MSRA: variants seen among roughly 807,000 people sequenced by gnomAD.
MSRA encodes the protein methionine sulfoxide reductase A.
A neutral mutation model predicts 31.3 loss-of-function variants in MSRA; 54 were observed. That is an observed-to-expected ratio of 1.73 (90% CI 1.39 to 2.17). The LOEUF is 2.17. Among genes scored for constraint, MSRA ranks in the 30% most tolerant of loss-of-function variants. MSRA has a pLI of 0.00. For synonymous variants in MSRA, 169 were observed against 116.5 expected (o/e 1.45, Z -2.90); for missense variants, 507 against 300.9 (o/e 1.69, Z -5.07).
chr8:10,330,006 ATGTGTG>A (rs72198519), intron 5 of MSRA, among the ~76,000 whole-genome samples: 1,369 of 135,350 alleles, frequency 0.01, 12 homozygotes, highest in South Asian at 0.024. Context: ...AGAGAAAAAA[ATGTGTG>A]TGTGTGTGTG....
intron 3 of MSRA, among the ~76,000 whole-genome samples, chr8:10,274,268 G>T (rs1267139765): frequency 1.3e-5 from 2 of 152,164 alleles, no homozygotes; most frequent in Non-Finnish European, 2.9e-5. Context: ...GTGGGCCAGG[G>T]GAGCAGGTCC....
intron 5 of MSRA, among the ~76,000 whole-genome samples, chr8:10,384,492 C>G (rs888285763): frequency 2.0e-5 from 3 of 152,174 alleles, no homozygotes; most frequent in African/African-American, 7.2e-5. Flanking sequence ...AGGACGATGT[C>G]CAGGTCACAG....
intron 3 of MSRA, among the ~76,000 whole-genome samples, chr8:10,280,081 T>C (rs1028326257): frequency 1.3e-5 from 2 of 152,220 alleles, no homozygotes; most frequent in African/African-American, 4.8e-5. Context: ...TATATTTTTC[T>C]AAGAAATTTT....
At chr8:10,353,355 A>G (rs1804306306) in intron 5 of MSRA, among the ~76,000 whole-genome samples, 1 of 152,172 alleles carries the variant, frequency 6.6e-6, no homozygotes, top group South Asian at 2.1e-4. Flanking sequence ...AGAAATTGCT[A>G]CGCTGATCTG....
rs943957266 is a variant in MSRA at position 10,102,879 on chromosome 8, T to A, written c.142+48221T>A. Among the ~76,000 whole-genome samples the A allele has an allele frequency of 2.0e-5, 3 of 152,184 alleles. No homozygotes were observed. The South Asian group carries it at 6.2e-4, about 32-fold the overall frequency. ...ATACTGTTATTTTTATTGTTAGTTT[T>A]GTACTGGGTGCAGTAACCTGGACAG... On this transcript the variant is annotated intron_variant, in intron 1 of 5. Transcript: ENST00000317173.
In MSRA at chr8:10,327,236, C is replaced by G. The variant is rs529992967; in HGVS notation, c.543+7247C>G. Among the ~76,000 whole-genome samples the G allele has an allele frequency of 4.6e-5, 7 of 152,292 alleles. No individual in the cohort carries two copies. The East Asian group carries it at 7.7e-4, about 17-fold the overall frequency. ...TTTTAAAGGCTGTATCTATCCGTCT[C>G]TCAGTGTTTGTCCACCCTTCCATCC... On this transcript the variant is annotated intron_variant, in intron 5 of 5. Transcript: ENST00000317173.
chr8:10,095,420 C>A (rs1001903036), intron 1 of MSRA: 8 of 964,584 alleles, frequency 8.3e-6, no homozygotes, highest in Non-Finnish European at 9.9e-6. Context: ...GGGTACCGTA[C>A]CACGGTTTCC....
rs1467440154 is a variant in MSRA at position 10,113,289 on chromosome 8, C to CTTTTTT, written c.142+58633_142+58634insTTTTTT. On this transcript the variant is annotated intron_variant, in intron 1 of 5. Transcript: ENST00000317173. ...AGGCATGGCTTTGGTGAAGACAGGTCTTCTTTTTTTTTTTTTTTTTTTTTT... is the reference window on the plus strand; with the variant it reads ...AGGCATGGCTTTGGTGAAGACAGGTCTTTTTTTTCTTTTTTTTTTTTTTTTTTTTTT... Among the ~76,000 whole-genome samples, 242 of 50,826 alleles carry CTTTTTT rather than the reference C, an allele frequency of 4.8e-3. 69 individuals carry two copies. The highest frequency in any genetic ancestry group is 0.028 in the Middle Eastern group (2 of 72). The allele number at this position is 50,826 out of a possible 152,430, so 33.3% of individuals were successfully genotyped here. A position where few individuals can be genotyped will look rare whatever the true frequency, so the allele number is the denominator to read the frequency against.
chr8:10,291,205 C>G (rs749774994), intron 3 of MSRA, among the ~76,000 whole-genome samples: 2 of 152,176 alleles, frequency 1.3e-5, no homozygotes, highest in East Asian at 3.8e-4. Flanking sequence ...GTTTATGGCA[C>G]TCCTCTGAGA....
Position 10,273,523 on chromosome 8 carries a change from G to A in MSRA, c.332-28011G>A, listed in dbSNP as rs577499211. Among the ~76,000 whole-genome samples the A allele has an allele frequency of 2.0e-5, 3 of 152,188 alleles. No homozygotes were observed. In the South Asian group the frequency reaches 6.2e-4, roughly 32 times the overall value. On this transcript the variant is annotated intron_variant, in intron 3 of 5. Coordinates refer to ENST00000317173, the MANE Select transcript of MSRA (RefSeq NM_012331.5). ...TGAATTACTGTTCATAAAGTACTTG[G>A]TATGTAATAAGAGTCATGTAAGTTT...
chr8:10,391,201 A>C (rs1474450143), intron 5 of MSRA, among the ~76,000 whole-genome samples: 1 of 152,216 alleles, frequency 6.6e-6, no homozygotes, highest in Non-Finnish European at 1.5e-5. Flanking sequence ...TAAATCTTTA[A>C]GTCATTGGTC....
intron 3 of MSRA, among the ~76,000 whole-genome samples, chr8:10,266,343 C>T (rs1159616463): frequency 4.6e-5 from 7 of 152,124 alleles, no homozygotes; most frequent in East Asian, 1.9e-4. Context: ...TCCTGACGAC[C>T]GAATTATATT....
At chr8:10,159,384 A>G (rs1425139828) in intron 1 of MSRA, among the ~76,000 whole-genome samples, 1 of 152,202 alleles carries the variant, frequency 6.6e-6, no homozygotes, top group Non-Finnish European at 1.5e-5. Flanking sequence ...GGAGGCAGAC[A>G]TTTGGGAATT....
chr8:10,269,881 G>T (rs1217673452), intron 3 of MSRA, among the ~76,000 whole-genome samples: 1 of 152,042 alleles, frequency 6.6e-6, no homozygotes, highest in African/African-American at 2.4e-5. Context: ...TCGATCTCCT[G>T]ACCTCGTGAT....
chr8:10,389,168 C>T (rs1403197817), intron 5 of MSRA, among the ~76,000 whole-genome samples: 1 of 152,160 alleles, frequency 6.6e-6, no homozygotes, highest in African/African-American at 2.4e-5. Flanking sequence ...CACAGGCAAT[C>T]CAGTCAGTGT....
chr8:10,287,686 C>T (rs1800009818), intron 3 of MSRA, among the ~76,000 whole-genome samples: 1 of 152,178 alleles, frequency 6.6e-6, no homozygotes, highest in East Asian at 1.9e-4. Context: ...AAAATAACGA[C>T]AGGCAAAGGC....
At chr8:10,117,989 A>G (rs1464846906) in intron 1 of MSRA, among the ~76,000 whole-genome samples, 1 of 152,196 alleles carries the variant, frequency 6.6e-6, no homozygotes, top group Non-Finnish European at 1.5e-5. Flanking sequence ...CATCACTCTG[A>G]GAGAGGTTTA....
At chr8:10,292,454 G>A (rs933950157) in intron 3 of MSRA, among the ~76,000 whole-genome samples, 1 of 152,208 alleles carries the variant, frequency 6.6e-6, no homozygotes, top group African/African-American at 2.4e-5. Flanking sequence ...AAGATGGGGC[G>A]GCAGGGCCGG....
intron 1 of MSRA, among the ~76,000 whole-genome samples, chr8:10,134,331 T>C (rs1355185082): frequency 6.6e-6 from 1 of 152,220 alleles, no homozygotes. Flanking sequence ...GTTTACCGTT[T>C]GGAAACACAG....
Sources: allele counts gnomAD v4.1 joint callset (sites outside exome capture counted in the v4.1 genomes callset), GRCh38; gene constraint gnomAD v4.1.1; transcripts MANE v1.5; gene names NCBI Gene and HGNC (gene_info 2026-07-23, HGNC 2026-07-21).